Variants in HIVEP1 observed in about 807,000 individuals in gnomAD.
The protein encoded by HIVEP1 is HIVEP zinc finger 1.
A neutral mutation model predicts 180.0 loss-of-function variants in HIVEP1; 36 were observed. The ratio of observed to expected loss-of-function variants is 0.20; its 90% confidence interval spans 0.15 to 0.26. The LOEUF (loss-of-function observed/expected upper bound fraction) is 0.26, where lower values mean the gene tolerates loss of function less well. Ranked by LOEUF, HIVEP1 falls within the 10% of genes least tolerant of loss-of-function variation. HIVEP1 has a pLI of 1.00. For missense variants in HIVEP1, 3,143 were observed against 3,268.7 expected (o/e 0.96, Z 0.94); for synonymous variants, 1,239 against 1,239.0 (o/e 1.00, Z 0.00).
At chr6:12,187,582 G>A in the HIVEP1 span, among the ~76,000 whole-genome samples, 11 of 144,026 alleles carry the variant, frequency 7.6e-5, no homozygotes, top group African/African-American at 2.9e-4. Flanking sequence ...AGAATCATGA[G>A]CCAAATAAAT....
intron 2 of HIVEP1, among the ~76,000 whole-genome samples, chr6:12,052,832 C>A (rs1229875042): frequency 1.3e-5 from 2 of 152,108 alleles, no homozygotes; most frequent in African/African-American, 2.4e-5. Context: ...ACTAGGTAAC[C>A]ATCTGTAAAC....
At chr6:12,017,060 G>T (rs1453832402) in intron 2 of HIVEP1, among the ~76,000 whole-genome samples, 1 of 152,092 alleles carries the variant, frequency 6.6e-6, no homozygotes, top group Admixed American at 6.6e-5. Context: ...TTGATCTGAA[G>T]GTGTTATTTA....
chr6:12,124,820 T>C lies in HIVEP1; in HGVS notation c.5025T>C (p.Ser1675=), dbSNP rs749783607. The C allele has an allele frequency of 5.6e-5, 91 of 1,614,066 alleles. No individual in the cohort carries two copies. The highest frequency in any genetic ancestry group is 7.2e-5 in the Non-Finnish European group (85 of 1,180,028). Residue 1675 remains serine, a synonymous_variant, in exon 4 of 9, where the codon AGT becomes AGC. Coordinates refer to ENST00000379388, the MANE Select transcript of HIVEP1 (RefSeq NM_002114.4). ...AGCCAATTTGCCAGACTAATCATAG[T>C]GTAGTGCCAATCAGTGAAGAACAAA... ...PNQPICQTNH[S]VVPISEEQNS...
rs1209949020 is a variant in HIVEP1, at chr6:12,063,169, A to G, written c.41-26015A>G. On this transcript the variant is annotated intron_variant, in intron 2 of 8. Transcript: ENST00000379388. The surrounding 1 kb of genome is among the most constrained non-coding windows in gnomAD (Gnocchi z 4.2). ...AGAGGATATGATTAAAGTAATATTG[A>G]ATGCTTTTCAGTTATCATTAAAATA... Among the ~76,000 whole-genome samples the G allele has an allele frequency of 6.6e-6, 1 of 152,252 alleles. No homozygotes were observed. Among genetic ancestry groups the G allele is most frequent in the Non-Finnish European group, 1.5e-5 (1 of 68,036 alleles).
At chr6:12,078,726 A>G (rs1289710300) in intron 2 of HIVEP1, among the ~76,000 whole-genome samples, 2 of 151,758 alleles carry the variant, frequency 1.3e-5, no homozygotes, top group African/African-American at 4.8e-5. Context: ...ACACATATAT[A>G]TATACTTTTA....
intron 7 of HIVEP1, among the ~76,000 whole-genome samples, chr6:12,142,888 A>G (rs1393410415): frequency 6.6e-6 from 1 of 152,230 alleles, no homozygotes; most frequent in Non-Finnish European, 1.5e-5. Flanking sequence ...TGAGGCAATA[A>G]TTAATAGGCT....
Position 12,163,811 on chromosome 6 carries a change from A to G in HIVEP1, c.7507A>G (p.Asn2503Asp), listed in dbSNP as rs1760566918. The change falls in exon 9 of 9, where the codon AAT (asparagine) becomes GAT (aspartate). Residue 2503 changes from asparagine (N) to aspartate (D), a missense_variant. Asn to Asp is a conservative substitution (Grantham distance 23). Coordinates refer to ENST00000379388, the MANE Select transcript of HIVEP1 (RefSeq NM_002114.4). Reference sequence around the variant, plus strand: ...AACCGTCAATATTGTAGGCCTAGCCAATACAAATATGGCCCCACAAGTCCA... The same window carrying G: ...AACCGTCAATATTGTAGGCCTAGCCGATACAAATATGGCCCCACAAGTCCA... ...METVNIVGLA[N>D]TNMAPQVHPP... 1 of 1,614,030 alleles carries G rather than the reference A, an allele frequency of 6.2e-7. No homozygotes were observed. Among genetic ancestry groups the G allele is most frequent in the Non-Finnish European group, 8.5e-7 (1 of 1,180,014 alleles).
At chr6:12,191,306 T>C in the HIVEP1 span, among the ~76,000 whole-genome samples, 1 of 152,168 alleles carries the variant, frequency 6.6e-6, no homozygotes, top group Admixed American at 6.5e-5. Flanking sequence ...AAGGACACAA[T>C]AGGCTAGGCA....
intron 2 of HIVEP1, among the ~76,000 whole-genome samples, chr6:12,065,614 A>G (rs1371496207): frequency 6.6e-6 from 1 of 151,692 alleles, no homozygotes; most frequent in African/African-American, 2.4e-5. Context: ...TCTGTGTGCC[A>G]CTGTTTGCTC....
chr6:12,078,861 T>C (rs958273289), intron 2 of HIVEP1, among the ~76,000 whole-genome samples: 5 of 152,022 alleles, frequency 3.3e-5, no homozygotes, highest in Admixed American at 6.6e-5. Flanking sequence ...TTTGAGATCC[T>C]GGGTCTCTCC....
At chr6:12,133,112 C>T (rs1191171971) in intron 6 of HIVEP1, among the ~76,000 whole-genome samples, 2 of 152,132 alleles carry the variant, frequency 1.3e-5, no homozygotes, top group Non-Finnish European at 2.9e-5. Context: ...AAAACGCTCT[C>T]AGAAAAATGA....
chr6:12,101,596 T>A (rs1178564595), intron 3 of HIVEP1, among the ~76,000 whole-genome samples: 1 of 151,800 alleles, frequency 6.6e-6, no homozygotes, highest in Non-Finnish European at 1.5e-5. Context: ...ATCAAAAATC[T>A]CTATAAATGA....
In HIVEP1 at chr6:12,123,860, T is replaced by C. The variant is rs770252594; in HGVS notation, c.4065T>C (p.Asn1355=). The change falls in exon 4 of 9, where the codon AAT becomes AAC. Residue 1355 remains asparagine, a synonymous_variant. Coordinates refer to ENST00000379388, the MANE Select transcript of HIVEP1 (RefSeq NM_002114.4). ...LMIPAGLNTL[N]VPGCHREMRR... is the part of the protein sequence containing the mutation. ...TTCCAGCTGGCTTGAATACTCTGAA[T>C]GTTCCTGGATGTCACCGGGAAATGA... is the stretch of plus-strand genomic sequence containing the variant. The C allele has an allele frequency of 6.2e-7, 1 of 1,614,112 alleles. No homozygotes were observed. Among genetic ancestry groups the C allele is most frequent in the Admixed American group, 1.7e-5 (1 of 60,016 alleles).
Position 12,164,788 on chromosome 6 carries a change from GATTAA to G in HIVEP1, c.*332_*336del, listed in dbSNP as rs1188997735. ...GGAAAACCTGTCAAATAAATCAAAT[GATTAA>G]ATTATATGTTCCACTGTTGAATATA... On this transcript the variant is annotated 3_prime_UTR_variant, in exon 9 of 9. Coordinates refer to ENST00000379388, the MANE Select transcript of HIVEP1 (RefSeq NM_002114.4). The G allele has an allele frequency of 2.8e-5, 5 of 181,500 alleles. No homozygotes were observed. Among genetic ancestry groups the G allele is most frequent in the Non-Finnish European group, 4.6e-5 (4 of 86,904 alleles). 11.2% of individuals were successfully genotyped at this position (181,500 alleles called of 1,614,324 possible).
At chr6:12,042,235 G>A (rs1167166650) in intron 2 of HIVEP1, among the ~76,000 whole-genome samples, 26 of 149,998 alleles carry the variant, frequency 1.7e-4, no homozygotes, top group South Asian at 4.2e-4. Context: ...GCCCGCCACC[G>A]CGCCTGGCTA....
intron 3 of HIVEP1, among the ~76,000 whole-genome samples, chr6:12,107,354 T>G (rs1774497335): frequency 6.6e-6 from 1 of 152,210 alleles, no homozygotes; most frequent in Non-Finnish European, 1.5e-5. Context: ...ATGTGAATGA[T>G]CATCTGAGTC....
rs1561928340 is a variant in HIVEP1 at position 12,089,229 on chromosome 6, CA to C, written c.93del (p.Glu32LysfsTer17). The C allele has an allele frequency of 1.7e-5, 26 of 1,558,166 alleles. No individual in the cohort carries two copies. Among genetic ancestry groups the C allele is most frequent in the Non-Finnish European group, 2.0e-5 (23 of 1,135,288 alleles). Reference sequence around the variant, plus strand: ...AAAGAACTTAATGGGGCAGAAGTTTCAAAAAAAGGTAAATTAAAATCAGCTT... The same window carrying C: ...AAAGAACTTAATGGGGCAGAAGTTTCAAAAAAGGTAAATTAAAATCAGCTT... ...AQKELNGAEV[S>X]KKEILQAGVK... On this transcript the variant is annotated frameshift_variant, in exon 3 of 9. Coordinates refer to ENST00000379388, the MANE Select transcript of HIVEP1 (RefSeq NM_002114.4). LOFTEE classifies it high-confidence loss of function.
the HIVEP1 span, among the ~76,000 whole-genome samples, chr6:12,178,885 C>T: frequency 1.3e-5 from 2 of 152,090 alleles, no homozygotes; most frequent in East Asian, 3.8e-4. Context: ...ACAGTATTTT[C>T]CTTTTTCTAG....
At chr6:12,117,587 G>T (rs1157844479) in intron 3 of HIVEP1, among the ~76,000 whole-genome samples, 1 of 152,094 alleles carries the variant, frequency 6.6e-6, no homozygotes, top group African/African-American at 2.4e-5. Flanking sequence ...ATTTTTCTTT[G>T]GAGTATAAGA....
Sources: allele counts gnomAD v4.1 joint callset (sites outside exome capture counted in the v4.1 genomes callset), GRCh38; gene constraint gnomAD v4.1.1; non-coding constraint Gnocchi (gnomAD v3.1); transcripts MANE v1.5; gene names NCBI Gene and HGNC (gene_info 2026-07-23, HGNC 2026-07-21).